Variants in XRCC5 observed in about 807,000 individuals in gnomAD.
XRCC5 encodes the protein X-ray repair cross complementing 5, also known as DNA repair protein Ku80.
In XRCC5, 12 loss-of-function variants were observed where a neutral mutation model predicts 95.7. The observed-to-expected ratio is 0.13, with a 90% confidence interval of 0.08 to 0.20. XRCC5 has a LOEUF of 0.20. XRCC5 is among the 10% of genes least tolerant of loss of function. The probability of loss-of-function intolerance (pLI) is 1.00; values close to 1 mark genes in which losing one functional copy is unlikely to be tolerated. For missense variants in XRCC5, 595 were observed against 873.9 expected (o/e 0.68, Z 4.02); for synonymous variants, 281 against 290.3 (o/e 0.97, Z 0.33).
At chr2:216,132,140 G>C (rs1301233346) in intron 9 of XRCC5, among the ~76,000 whole-genome samples, 185 bp from the exon 10 acceptor site, 1 of 152,188 alleles carries the variant, frequency 6.6e-6, no homozygotes, top group Non-Finnish European at 1.5e-5. Context: ...AGATAATCTT[G>C]AACGCATGCT....
intron 8 of XRCC5, among the ~76,000 whole-genome samples, chr2:216,129,110 A>G (rs1230732364): frequency 2.6e-5 from 4 of 152,204 alleles, no homozygotes; most frequent in Non-Finnish European, 5.9e-5. Context: ...TGGTTGTAGG[A>G]TGGATTGGAA....
intron 14 of XRCC5, among the ~76,000 whole-genome samples, chr2:216,157,217 CT>C (rs914824211): frequency 1.9e-4 from 22 of 115,498 alleles, no homozygotes; most frequent in Admixed American, 4.7e-4. Context: ...CAACTATTTT[CT>C]TTTTTTTTTG....
chr2:216,151,283 C>T (rs923466461), intron 14 of XRCC5, among the ~76,000 whole-genome samples: 7 of 152,198 alleles, frequency 4.6e-5, no homozygotes, highest in Non-Finnish European at 1.0e-4. Flanking sequence ...ATTTATGTTG[C>T]TGTACACCCT....
intron 16 of XRCC5, among the ~76,000 whole-genome samples, chr2:216,188,641 A>G (rs1024965727): frequency 5.9e-5 from 9 of 152,210 alleles, no homozygotes; most frequent in African/African-American, 9.7e-5. Context: ...CTGGGAAAGT[A>G]CACCGCTTTC....
At chr2:216,125,491 C>T (rs775838692) in intron 6 of XRCC5, among the ~76,000 whole-genome samples, 3 of 152,146 alleles carry the variant, frequency 2.0e-5, no homozygotes, top group Non-Finnish European at 4.4e-5. Context: ...GTCACTATGC[C>T]GGCCCTGAGC....
chr2:216,145,125 G>A (rs1688600185), intron 13 of XRCC5, among the ~76,000 whole-genome samples: 1 of 152,100 alleles, frequency 6.6e-6, no homozygotes, highest in Non-Finnish European at 1.5e-5. Context: ...TTGAGTAATG[G>A]TGTGCAAGCC....
Position 216,162,164 on chromosome 2 carries a change from G to A in XRCC5, c.1834+116G>A, listed in dbSNP as rs986604689. On this transcript the variant is annotated intron_variant, in intron 16 of 20. Coordinates refer to ENST00000392132, the MANE Select transcript of XRCC5 (RefSeq NM_021141.4). ...CACTTTAGCATTTTTCTTTACTGGC[G>A]GATCTTTGTGGTTTTCCCTTGTTAG... 17 of 965,890 alleles carry A rather than the reference G, an allele frequency of 1.8e-5. No homozygotes were observed. The African/African-American group carries it at 1.8e-4, about 10-fold the overall frequency. The allele number at this position is 965,890 out of a possible 1,614,324, so 59.8% of individuals were successfully genotyped here.
intron 3 of XRCC5, 124 bp downstream of exon 3, chr2:216,116,966 G>C: frequency 9.3e-7 from 1 of 1,071,954 alleles, no homozygotes. Context: ...GCTCTGAGGA[G>C]GGGGAGGTAA....
chr2:216,110,348 A>G lies in XRCC5; in HGVS notation c.21+891A>G, dbSNP rs556412917. 2.0e-5 allele frequency: 3 copies of G among 152,366 alleles called. No individual in the cohort carries two copies. In the South Asian group the frequency reaches 6.2e-4, roughly 32 times the overall value. 9.4% of individuals were successfully genotyped at this position (152,366 alleles called of 1,614,324 possible). On this transcript the variant is annotated intron_variant, in intron 1 of 20. Coordinates refer to ENST00000392132, the MANE Select transcript of XRCC5 (RefSeq NM_021141.4). The stretch of plus-strand genomic sequence containing the variant: ...ATGAATTTATTCAATACAGATAAAC[A>G]AGATACGAGTTTGAGCAACTGATCC...
At chr2:216,163,830 C>T (rs1286514828) in intron 16 of XRCC5, among the ~76,000 whole-genome samples, 2 of 152,204 alleles carry the variant, frequency 1.3e-5, no homozygotes, top group Non-Finnish European at 2.9e-5. Flanking sequence ...GGAAGAACAG[C>T]TTCGTTATCA....
intron 14 of XRCC5, among the ~76,000 whole-genome samples, chr2:216,157,028 G>T (rs1173304992): frequency 1.3e-5 from 2 of 152,148 alleles, no homozygotes; most frequent in Non-Finnish European, 2.9e-5. Flanking sequence ...GTTCAGCAGG[G>T]ATCAGCCGAG....
At chr2:216,132,257 G>A in intron 9 of XRCC5, 68 bp from the exon 10 acceptor site, 1 of 1,447,492 alleles carries the variant, frequency 6.9e-7, no homozygotes, top group Non-Finnish European at 9.7e-7. Flanking sequence ...GAATTTCTTG[G>A]CAATGTGTGT....
intron 16 of XRCC5, among the ~76,000 whole-genome samples, chr2:216,170,028 A>C (rs532376696): frequency 8.5e-6 from 1 of 117,566 alleles, no homozygotes; most frequent in East Asian, 2.7e-4. Context: ...ACAGAGCAAG[A>C]CTGTGTCTCA....
intron 3 of XRCC5, 38 bp from the exon 4 acceptor site, chr2:216,117,708 A>G: frequency 6.2e-7 from 1 of 1,607,778 alleles, no homozygotes; most frequent in Non-Finnish European, 8.5e-7. Flanking sequence ...TCACATGAAG[A>G]GACTGTTTGG....
At chr2:216,122,777 A>G (rs980181568) in intron 6 of XRCC5, among the ~76,000 whole-genome samples, 3 of 151,734 alleles carry the variant, frequency 2.0e-5, no homozygotes, top group Admixed American at 2.0e-4. Flanking sequence ...CCTGCAATGT[A>G]AAGAGTTCAT....
chr2:216,164,183 T>A (rs1689008246), intron 16 of XRCC5, among the ~76,000 whole-genome samples: 1 of 152,208 alleles, frequency 6.6e-6, no homozygotes, highest in East Asian at 1.9e-4. Context: ...CTATCAAGAC[T>A]ATTGTGTTTT....
At chr2:216,118,592 C>T (rs967836088) in intron 4 of XRCC5, among the ~76,000 whole-genome samples, 2 of 152,170 alleles carry the variant, frequency 1.3e-5, no homozygotes, top group Admixed American at 1.3e-4. Flanking sequence ...GCACTAAAAT[C>T]CCAGACCTAA....
At chr2:216,173,051 A>G (rs1478756354) in intron 16 of XRCC5, among the ~76,000 whole-genome samples, 2 of 152,130 alleles carry the variant, frequency 1.3e-5, no homozygotes, top group African/African-American at 4.8e-5. Context: ...TGTTGCTGGT[A>G]TATAGAAATG....
chr2:216,119,779 A>G (rs1004956185), intron 5 of XRCC5, among the ~76,000 whole-genome samples: 1 of 152,252 alleles, frequency 6.6e-6, no homozygotes, highest in Non-Finnish European at 1.5e-5. Context: ...CCTCCTCAAA[A>G]AGTAACTTGA....
Sources: gnomAD v4.1 joint callset for allele counts (sites outside exome capture counted in the v4.1 genomes callset) on GRCh38, gnomAD v4.1.1 for gene constraint, MANE v1.5 for transcripts, NCBI Gene and HGNC (gene_info 2026-07-23, HGNC 2026-07-21) for gene names.